The following S100A13 variants were observed in gnomAD, a reference collection of about 807,000 sequenced individuals.
S100A13 encodes protein S100-A13.
In S100A13, 6 loss-of-function variants were observed where a neutral mutation model predicts 8.2. The ratio of observed to expected loss-of-function variants is 0.73; its 90% confidence interval spans 0.40 to 1.44. The LOEUF (loss-of-function observed/expected upper bound fraction) is 1.44, where lower values mean the gene tolerates loss of function less well. Ranked by LOEUF, S100A13 falls within the 40% of genes most tolerant of loss-of-function variation. S100A13 has a pLI of 0.02. For missense variants in S100A13, 114 were observed against 113.6 expected, an observed-to-expected ratio of 1.00 and a Z score of -0.02; for synonymous variants, 39 against 45.9, an observed-to-expected ratio of 0.85 and a Z score of 0.61.
intron 2 of S100A13, among the ~76,000 whole-genome samples, chr1:153,623,104 A>T (rs1230327109): frequency 2.6e-5 from 4 of 151,656 alleles, no homozygotes; most frequent in Non-Finnish European, 5.9e-5. Flanking sequence ...AAAAAAAAAG[A>T]GGTATCAGTT....
In S100A13 at chr1:153,626,370, C is replaced by T. The variant is rs373852522; in HGVS notation, c.103G>A (p.Val35Ile). Residue 35 changes from valine to isoleucine, a missense_variant, in exon 2 of 3, where the codon GTC becomes ATC. By Grantham distance (29) the Val-to-Ile change is conservative. Transcript: ENST00000476133. ...GTAACCAGCTCTTTGAACTCGTTGA[C>T]GCTGAGGCTATCCTTCCGGCCCTCC... is the stretch of plus-strand genomic sequence containing the variant. ...RQEGRKDSLSVNEFKELVTQQ... is the reference protein window; with the variant it reads ...RQEGRKDSLSINEFKELVTQQ... The T allele has an allele frequency of 2.5e-5, 41 of 1,614,204 alleles. No individual in the cohort carries two copies. The African/African-American group carries it at 3.1e-4, about 12-fold the overall frequency.
At chr1:153,631,634 T>C, upstream of S100A13, 1 of 1,613,632 alleles carries the variant, frequency 6.2e-7, no homozygotes, top group Non-Finnish European at 8.5e-7. Flanking sequence ...AACCACCCCC[T>C]TGCCTCTGAC....
At chr1:153,621,554 C>T (rs1277846846) in intron 2 of S100A13, among the ~76,000 whole-genome samples, 3 of 151,460 alleles carry the variant, frequency 2.0e-5, no homozygotes, top group African/African-American at 4.8e-5. Context: ...GGGTGGATAA[C>T]TCGAGGTCAG....
upstream of S100A13, chr1:153,634,209 C>T (rs1266787430): frequency 2.0e-5 from 3 of 152,778 alleles, no homozygotes; most frequent in African/African-American, 4.8e-5. Context: ...CATACTACCG[C>T]TTACGCATCT....
At chr1:153,634,279 C>A (rs1486892082), upstream of S100A13, 2 of 152,900 alleles carry the variant, frequency 1.3e-5, no homozygotes, top group African/African-American at 4.8e-5. Context: ...TTCGGCCGGT[C>A]CCCGGCCCGC....
At chr1:153,631,410 G>A (rs1267323933), upstream of S100A13, 7 of 1,449,326 alleles carry the variant, frequency 4.8e-6, no homozygotes, top group Non-Finnish European at 6.6e-6. Context: ...ATTTGTATTA[G>A]AATTAAATTA....
upstream of S100A13, chr1:153,631,257 A>C: frequency 3.5e-6 from 2 of 577,960 alleles, no homozygotes; most frequent in South Asian, 2.2e-5. Context: ...TAGAAAGTGC[A>C]CCGGTTTTGA....
At chr1:153,619,937 G>A (rs1433165968) in intron 2 of S100A13, among the ~76,000 whole-genome samples, 4 of 152,178 alleles carry the variant, frequency 2.6e-5, no homozygotes, top group South Asian at 2.1e-4. Context: ...GATGGCTACT[G>A]TAACATTATA....
At chr1:153,621,615 C>G (rs1667254584) in intron 2 of S100A13, among the ~76,000 whole-genome samples, 1 of 150,722 alleles carries the variant, frequency 6.6e-6, no homozygotes, top group Non-Finnish European at 1.5e-5. Context: ...TCGGGCAACC[C>G]GCTCGGGTCT....
Position 153,620,319 on chromosome 1 carries a change from G to A in S100A13, c.154-1281C>T, listed in dbSNP as rs571346860. ...GAAAAAAAAATACAAAAATTAGCTC[G>A]GTGTGATAGTGCACACCCGTAGTCC... On this transcript the variant is annotated intron_variant, in intron 2 of 2. Transcript: ENST00000476133. 5.3e-5 allele frequency among the ~76,000 whole-genome samples: 8 copies of A among 151,748 alleles called. No homozygotes were observed. In the East Asian group the frequency reaches 1.4e-3, roughly 26 times the overall value.
At chr1:153,622,925 CAAAAAAAT>C (rs1448883569) in intron 2 of S100A13, among the ~76,000 whole-genome samples, 1 of 151,968 alleles carries the variant, frequency 6.6e-6, no homozygotes, top group Admixed American at 6.6e-5. Context: ...CCTGTCTCTA[CAAAAAAAT>C]TAAAAAATTA....
chr1:153,624,164 T>C (rs1041108686), intron 2 of S100A13, among the ~76,000 whole-genome samples: 1 of 152,158 alleles, frequency 6.6e-6, no homozygotes, highest in Non-Finnish European at 1.5e-5. Flanking sequence ...AAGGGAAACT[T>C]GAAATCAAGA....
At chr1:153,631,740 C>T, upstream of S100A13, 1 of 1,614,230 alleles carries the variant, frequency 6.2e-7, no homozygotes. Context: ...GATGAAGGAG[C>T]TAGACGAGAA....
upstream of S100A13, chr1:153,630,575 C>T (rs1414713081): frequency 6.2e-7 from 1 of 1,614,246 alleles, no homozygotes; most frequent in Non-Finnish European, 8.5e-7. Flanking sequence ...TGTTCCACGC[C>T]CACTCGGGCA....
At chr1:153,631,827 T>A (rs756352252), upstream of S100A13, 1 of 1,614,050 alleles carries the variant, frequency 6.2e-7, no homozygotes. Context: ...CAATTTCTTC[T>A]GGGAGAACAG....
At chr1:153,628,516 G>A (rs1374898891), upstream of S100A13, 2 of 1,550,534 alleles carry the variant, frequency 1.3e-6, no homozygotes, top group Non-Finnish European at 1.7e-6. Context: ...CTGCCCCACT[G>A]GGCTAGTCCC....
At chr1:153,630,148 C>G (rs1667922845), upstream of S100A13, 1 of 376,524 alleles carries the variant, frequency 2.7e-6, no homozygotes, top group Non-Finnish European at 4.7e-6. Context: ...GGAAGCATGG[C>G]CCAGTCCTGT....
At chr1:153,628,094 A>AC (rs1667779444), upstream of S100A13, 2 of 1,549,250 alleles carry the variant, frequency 1.3e-6, no homozygotes, top group Middle Eastern at 1.7e-4. Context: ...ACAGACTAAG[A>AC]CCCCCTCAGC....
At chr1:153,628,852 C>A (rs945379952), upstream of S100A13, 1 of 280,742 alleles carries the variant, frequency 3.6e-6, no homozygotes, top group Non-Finnish European at 6.8e-6. Flanking sequence ...CCCTCCCCTG[C>A]CTCGCCTCCT....
Sources: allele counts gnomAD v4.1 joint callset (sites outside exome capture counted in the v4.1 genomes callset), GRCh38; gene constraint gnomAD v4.1.1; transcripts MANE v1.5; gene names NCBI Gene and HGNC (gene_info 2026-07-23, HGNC 2026-07-21).